NFX1: variants seen among roughly 807,000 people sequenced by gnomAD.
NFX1 encodes the protein nuclear transcription factor, X-box binding 1, also known as transcriptional repressor NF-X1.
NFX1 carries 69 observed loss-of-function variants against 137.2 expected under a neutral mutation model. The ratio of observed to expected loss-of-function variants is 0.50; its 90% confidence interval spans 0.41 to 0.61. NFX1 has a LOEUF of 0.61. NFX1 is among the 20% of genes least tolerant of loss of function. NFX1 has a pLI of 0.00. For synonymous variants in NFX1, 495 were observed against 474.1 expected (o/e 1.04, Z -0.57); for missense variants, 1,167 against 1,391.0 (o/e 0.84, Z 2.56).
At chr9:33,305,101 T>C (rs746687666) in intron 4 of NFX1, among the ~76,000 whole-genome samples, 1 of 152,256 alleles carries the variant, frequency 6.6e-6, no homozygotes, top group Non-Finnish European at 1.5e-5. Flanking sequence ...TGAGAACTTA[T>C]TAATGTTCAA....
intron 11 of NFX1, among the ~76,000 whole-genome samples, chr9:33,333,320 C>T (rs1448153186): frequency 6.6e-6 from 1 of 152,174 alleles, no homozygotes; most frequent in Admixed American, 6.5e-5. Context: ...GAAAAAGTGA[C>T]TTTTACGATA....
At chr9:33,304,894 A>G (rs960504668) in intron 4 of NFX1, among the ~76,000 whole-genome samples, 4 of 152,226 alleles carry the variant, frequency 2.6e-5, no homozygotes, top group Admixed American at 1.3e-4. Context: ...AAGTACCACA[A>G]TGGAATTAAA....
chr9:33,365,085 C>A, intron 21 of NFX1: 2 of 709,552 alleles, frequency 2.8e-6, no homozygotes, highest in Non-Finnish European at 3.6e-6. Flanking sequence ...ATCAGCTTGG[C>A]CAACATGACG....
chr9:33,362,839 G>A (rs1824044217), intron 19 of NFX1, among the ~76,000 whole-genome samples: 1 of 151,800 alleles, frequency 6.6e-6, no homozygotes, highest in African/African-American at 2.4e-5. Context: ...GAGTAGCTGG[G>A]ATTACAGGCA....
intron 2 of NFX1, among the ~76,000 whole-genome samples, chr9:33,297,455 G>C (rs966063335): frequency 3.9e-5 from 6 of 152,204 alleles, no homozygotes; most frequent in Non-Finnish European, 7.3e-5. Context: ...TTGCTTTATA[G>C]TGAATTATCA....
intron 6 of NFX1, 108 bp downstream of exon 6, chr9:33,311,285 C>T: frequency 7.1e-6 from 7 of 980,732 alleles, no homozygotes; most frequent in East Asian, 5.0e-5. Context: ...AAATGGTAGG[C>T]ATGAATAGTA....
Position 33,295,324 on chromosome 9 carries a change from T to G in NFX1, c.930T>G (p.Val310=). Residue 310 remains valine, a synonymous_variant, in exon 2 of 24, where the codon GTT becomes GTG. Transcript: ENST00000379540. ...LAVINKSSRR[V]DQEKCTVRRQ... ...TCATCAACAAGTCTTCCAGGAGGGT[T>G]GACCAAGAGAAATGCACTGTACGGA... The G allele has an allele frequency of 6.2e-7, 1 of 1,614,192 alleles. No individual in the cohort carries two copies. The highest frequency in any genetic ancestry group is 1.7e-5 in the Admixed American group (1 of 60,024).
chr9:33,362,195 C>A (rs1824015213), intron 19 of NFX1, among the ~76,000 whole-genome samples: 1 of 151,708 alleles, frequency 6.6e-6, no homozygotes, highest in South Asian at 2.1e-4. Flanking sequence ...TTAGTACAGC[C>A]ACTATGGAAA....
intron 12 of NFX1, among the ~76,000 whole-genome samples, chr9:33,342,356 G>A (rs1329157919): frequency 6.6e-6 from 1 of 152,020 alleles, no homozygotes; most frequent in Non-Finnish European, 1.5e-5. Context: ...CAGCTACTCA[G>A]GAGGCTGAGG....
At chr9:33,338,218 G>A (rs1300423622) in intron 11 of NFX1, among the ~76,000 whole-genome samples, 2 of 151,840 alleles carry the variant, frequency 1.3e-5, no homozygotes, top group Non-Finnish European at 2.9e-5. Flanking sequence ...AGCTGGGTGT[G>A]GTGGCAGGCA....
intron 9 of NFX1, among the ~76,000 whole-genome samples, chr9:33,320,724 A>C (rs1242035784): frequency 6.6e-6 from 1 of 152,254 alleles, no homozygotes; most frequent in African/African-American, 2.4e-5. Context: ...AAGGCCATGC[A>C]TTTAGAAAAA....
At position 33,295,072 on chromosome 9, in the gene NFX1, A is replaced by G. The variant is rs1446380766; in HGVS notation, c.678A>G (p.Gly226=). Residue 226 remains glycine, a synonymous_variant, in exon 2 of 24, where the codon GGA becomes GGG. Transcript: ENST00000379540. The part of the protein sequence containing the change: ...PDSSEASSRK[G]VLDGYGARRN... ...CTTCAGAGGCATCCTCTAGAAAAGG[A>G]GTATTGGATGGGTATGGAGCCAGAC... is the stretch of plus-strand genomic sequence containing the variant. The G allele has an allele frequency of 3.1e-6, 5 of 1,614,144 alleles. No homozygotes were observed. In the Admixed American group the frequency reaches 8.3e-5, roughly 27 times the overall value.
intron 12 of NFX1, among the ~76,000 whole-genome samples, chr9:33,342,237 G>A (rs1002231821): frequency 4.6e-5 from 7 of 151,928 alleles, no homozygotes; most frequent in Non-Finnish European, 7.4e-5. Context: ...CAAGGTGGGC[G>A]GATCATGAGG....
At chr9:33,333,640 A>C (rs913997864) in intron 11 of NFX1, among the ~76,000 whole-genome samples, 2 of 152,230 alleles carry the variant, frequency 1.3e-5, no homozygotes, top group African/African-American at 4.8e-5. Context: ...AAGTGAATGG[A>C]ATTACCATGG....
chr9:33,295,489 A>G, intron 2 of NFX1, 62 bp downstream of exon 2: 1 of 1,459,366 alleles, frequency 6.9e-7, no homozygotes, highest in South Asian at 1.4e-5. Context: ...TAAATAAGTC[A>G]TATATTCACA....
chr9:33,351,540 G>A lies in NFX1; in HGVS notation c.2425-20G>A. The A allele has an allele frequency of 6.2e-7, 1 of 1,608,978 alleles. No homozygotes were observed. The highest frequency in any genetic ancestry group is 8.5e-7 in the Non-Finnish European group (1 of 1,175,400). ...AATCCCACATGGAGATGAGAATCTG[G>A]CTACTTCTGTCTCTCCTAGTTTCGG... On this transcript the variant is annotated intron_variant, in intron 15 of 23. Transcript: ENST00000379540.
At chr9:33,321,950 C>T (rs1472068475) in intron 9 of NFX1, among the ~76,000 whole-genome samples, 2 of 151,712 alleles carry the variant, frequency 1.3e-5, no homozygotes, top group African/African-American at 4.8e-5. Flanking sequence ...CTGTAATCCC[C>T]CACACTTTGG....
At chr9:33,348,601 C>G (rs914091215) in intron 15 of NFX1, 1 of 205,238 alleles carries the variant, frequency 4.9e-6, no homozygotes, top group Admixed American at 6.5e-5. Flanking sequence ...GATGCAGACA[C>G]GAAATGAGCA....
At position 33,367,520 on chromosome 9, in the gene NFX1, A is replaced by C. The variant is rs768549065; in HGVS notation, c.3191A>C (p.Lys1064Thr). ...GGTGTTTTGACTTTTATCAGGGGGA[A>C]GTCCGTTTGTCCTCCTACCACGCTG... ...RNVVVTAIRG[K>T]SVCPPTTLTG... The change falls in exon 23 of 24, where the codon AAG (lysine) becomes ACG (threonine). Residue 1064 changes from lysine to threonine, a missense_variant. By Grantham distance (78) the Lys-to-Thr change is moderately conservative. Coordinates refer to ENST00000379540, the MANE Select transcript of NFX1 (RefSeq NM_002504.6). 4 of 1,613,812 alleles carry C rather than the reference A, an allele frequency of 2.5e-6. No homozygotes were observed. The highest frequency in any genetic ancestry group is 1.1e-5 in the South Asian group (1 of 91,078).
Sources: gnomAD v4.1 joint callset for allele counts (sites outside exome capture counted in the v4.1 genomes callset) on GRCh38, gnomAD v4.1.1 for gene constraint, MANE v1.5 for transcripts, NCBI Gene and HGNC (gene_info 2026-07-23, HGNC 2026-07-21) for gene names.